Variants in CNTN1 observed in about 807,000 individuals in gnomAD.
CNTN1 encodes the protein contactin-1.
In CNTN1, 38 loss-of-function variants were observed where a neutral mutation model predicts 126.4. The ratio of observed to expected loss-of-function variants is 0.30; its 90% CI spans 0.23 to 0.39. The LOEUF is 0.39. Ranked by LOEUF, CNTN1 falls within the 10% of genes least tolerant of loss-of-function variation. The pLI, the probability that CNTN1 is intolerant of heterozygous loss-of-function variation, is 1.00. For missense variants in CNTN1, 1,009 were observed against 1,248.4 expected (o/e 0.81, Z 2.89); for synonymous variants, 413 against 422.6 (o/e 0.98, Z 0.28).
intron 23 of CNTN1, among the ~76,000 whole-genome samples, chr12:41,058,955 T>G (rs1297918066): frequency 6.6e-6 from 1 of 152,208 alleles, no homozygotes; most frequent in African/African-American, 2.4e-5. Flanking sequence ...GTTTCAGTGA[T>G]TCAATGAATT....
chr12:41,011,752 G>A (rs372992284), intron 17 of CNTN1, among the ~76,000 whole-genome samples: 8 of 152,296 alleles, frequency 5.3e-5, no homozygotes, highest in South Asian at 2.1e-4. Context: ...TGGAGGAAGC[G>A]TGCTGGTTTG....
At chr12:40,830,810 T>C (rs1444713994) in intron 1 of CNTN1, among the ~76,000 whole-genome samples, 1 of 120,494 alleles carries the variant, frequency 8.3e-6, no homozygotes, top group Non-Finnish European at 1.7e-5. Context: ...TATATATATA[T>C]ATATATATAT....
At chr12:40,858,371 A>T (rs1486464663) in intron 1 of CNTN1, among the ~76,000 whole-genome samples, 1 of 152,160 alleles carries the variant, frequency 6.6e-6, no homozygotes, top group African/African-American at 2.4e-5. Flanking sequence ...ACCCTAATTA[A>T]GATTAACAAA....
At chr12:40,724,416 G>A (rs905914060) in intron 1 of CNTN1, among the ~76,000 whole-genome samples, 1 of 152,132 alleles carries the variant, frequency 6.6e-6, no homozygotes, top group African/African-American at 2.4e-5. Flanking sequence ...CTTCAATATA[G>A]GCTGATAGAT....
At chr12:40,813,311 A>G (rs1300908500) in intron 1 of CNTN1, among the ~76,000 whole-genome samples, 1 of 150,970 alleles carries the variant, frequency 6.6e-6, no homozygotes, top group Non-Finnish European at 1.5e-5. Flanking sequence ...GGTTTGCTAC[A>G]CCTATTGACC....
intron 1 of CNTN1, among the ~76,000 whole-genome samples, chr12:40,849,821 CTT>C (rs1337403406): frequency 6.6e-6 from 1 of 151,798 alleles, no homozygotes; most frequent in Non-Finnish European, 1.5e-5. Context: ...GGAAAAGACT[CTT>C]TTTTTAAAGC....
At chr12:40,707,186 C>A (rs1382614576) in intron 1 of CNTN1, among the ~76,000 whole-genome samples, 1 of 149,370 alleles carries the variant, frequency 6.7e-6, no homozygotes, top group Admixed American at 6.6e-5. Flanking sequence ...TTACTCTGTT[C>A]ATTGCTTTTC....
chr12:41,064,262 C>G (rs1353409592), intron 23 of CNTN1, among the ~76,000 whole-genome samples: 6 of 151,644 alleles, frequency 4.0e-5, no homozygotes, highest in African/African-American at 1.2e-4. Context: ...ATTCAATTAT[C>G]TGCTCCAGTG....
intron 1 of CNTN1, among the ~76,000 whole-genome samples, chr12:40,787,531 T>C (rs1166635040): frequency 3.3e-5 from 5 of 152,170 alleles, no homozygotes; most frequent in African/African-American, 1.2e-4. Flanking sequence ...AGAATAGATG[T>C]TCAAAGTTGT....
chr12:40,701,884 A>G (rs1436249694), intron 1 of CNTN1, among the ~76,000 whole-genome samples: 1 of 152,158 alleles, frequency 6.6e-6, no homozygotes, highest in Non-Finnish European at 1.5e-5. Context: ...CATTTGGCCC[A>G]ATGAGCTATA....
intron 23 of CNTN1, among the ~76,000 whole-genome samples, chr12:41,069,061 G>A (rs1055528886): frequency 6.6e-6 from 1 of 152,188 alleles, no homozygotes; most frequent in African/African-American, 2.4e-5. Flanking sequence ...GGAAGAAAGA[G>A]TATGACTTTT....
intron 1 of CNTN1, among the ~76,000 whole-genome samples, chr12:40,799,256 T>C (rs1297991277): frequency 6.6e-6 from 1 of 151,330 alleles, no homozygotes; most frequent in Non-Finnish European, 1.5e-5. Context: ...GATATTTTTA[T>C]ACTTGATACA....
At chr12:40,813,350 C>T (rs567179800) in intron 1 of CNTN1, among the ~76,000 whole-genome samples, 1 of 151,878 alleles carries the variant, frequency 6.6e-6, no homozygotes, top group Admixed American at 6.6e-5. Context: ...CCCTCAACCC[C>T]CAACCCACAA....
At chr12:40,995,223 A>G (rs926454398) in intron 17 of CNTN1, among the ~76,000 whole-genome samples, 2 of 152,116 alleles carry the variant, frequency 1.3e-5, no homozygotes, top group African/African-American at 4.8e-5. Flanking sequence ...ATTAGAACTC[A>G]TAACTATATT....
intron 17 of CNTN1, among the ~76,000 whole-genome samples, chr12:41,003,996 G>A (rs975245369): frequency 6.6e-6 from 1 of 151,988 alleles, no homozygotes; most frequent in Admixed American, 6.6e-5. Flanking sequence ...TTTAGGATTT[G>A]TTTGCTCTTT....
chr12:40,698,863 C>T (rs975718005), intron 1 of CNTN1, among the ~76,000 whole-genome samples: 2 of 152,130 alleles, frequency 1.3e-5, no homozygotes, highest in Non-Finnish European at 2.9e-5. Flanking sequence ...TCCAATCTCC[C>T]GTAATGTCAA....
At chr12:40,897,273 T>C (rs1245681966) in intron 1 of CNTN1, among the ~76,000 whole-genome samples, 1 of 152,172 alleles carries the variant, frequency 6.6e-6, no homozygotes, top group African/African-American at 2.4e-5. Flanking sequence ...TTTACAATAA[T>C]AAATGCTTAG....
At chr12:40,816,557 C>A (rs2136516877) in intron 1 of CNTN1, among the ~76,000 whole-genome samples, 1 of 151,736 alleles carries the variant, frequency 6.6e-6, no homozygotes, top group African/African-American at 2.4e-5. Flanking sequence ...CTCTATTAAT[C>A]TAGCTTGTTA....
chr12:40,829,397 A>G (rs1357216573), intron 1 of CNTN1, among the ~76,000 whole-genome samples: 2 of 152,060 alleles, frequency 1.3e-5, no homozygotes, highest in Non-Finnish European at 2.9e-5. Flanking sequence ...TTCCTCATGT[A>G]TGTTTATTAA....
Sources: gnomAD v4.1 joint callset for allele counts (sites outside exome capture counted in the v4.1 genomes callset) on GRCh38, gnomAD v4.1.1 for gene constraint, MANE v1.5 for transcripts, NCBI Gene and HGNC (gene_info 2026-07-23, HGNC 2026-07-21) for gene names.